KLC1: variants seen among roughly 807,000 people sequenced by gnomAD.
KLC1 encodes kinesin 2 60/70kDa.
KLC1 carries 30 observed loss-of-function variants against 84.2 expected under a neutral mutation model. That is an observed-to-expected ratio of 0.36 (90% CI 0.27 to 0.48). The LOEUF (loss-of-function observed/expected upper bound fraction) is 0.48. Among genes scored for constraint, KLC1 ranks in the 20% least tolerant of loss-of-function variants. The pLI, the probability that KLC1 is intolerant of heterozygous loss-of-function variation, is 0.99. For missense variants in KLC1, 499 were observed against 805.4 expected (o/e 0.62, Z 4.60); for synonymous variants, 289 against 293.3 (o/e 0.99, Z 0.15).
rs1406826424 is a variant in KLC1 at position 103,686,084 on chromosome 14, TC to T, written c.1651-994del. Reference sequence around the variant, plus strand: ...GGGGGCCCCGCTCGGACTCCGGGTCTCCCTAGGATATGCCCCAGTAGCATTT... The same window carrying T: ...GGGGGCCCCGCTCGGACTCCGGGTCTCCTAGGATATGCCCCAGTAGCATTT... On this transcript the variant is annotated intron_variant, in intron 13 of 16. Transcript: ENST00000334553. 4.0e-6 allele frequency: 4 copies of T among 1,011,096 alleles called. No individual in the cohort carries two copies. In the African/African-American group the frequency reaches 6.9e-5, roughly 17 times the overall value. The allele number at this position is 1,011,096 out of a possible 1,614,324, so 62.6% of individuals were successfully genotyped here.
At chr14:103,675,852 T>C in intron 11 of KLC1, 96 bp downstream of exon 11, 1 of 949,986 alleles carries the variant, frequency 1.1e-6, no homozygotes, top group Non-Finnish European at 1.7e-6. Flanking sequence ...ATGTGTAGTG[T>C]TCCTTAAGTG....
chr14:103,662,639 G>T (rs1306192722), intron 4 of KLC1, 63 bp from the exon 5 acceptor site: 3 of 1,302,458 alleles, frequency 2.3e-6, no homozygotes, highest in Non-Finnish European at 3.2e-6. Flanking sequence ...TAATTTTAAA[G>T]AAACTGACTC....
chr14:103,685,860 A>G, intron 13 of KLC1: 1 of 1,162,906 alleles, frequency 8.6e-7, no homozygotes, highest in East Asian at 6.1e-5. Context: ...GTACTTAGTA[A>G]TATAAACTGT....
At position 103,701,427 on chromosome 14, in the gene KLC1, A is replaced by G. The variant is rs2083187551; in HGVS notation, c.*228A>G. 1 of 470,970 alleles carries G rather than the reference A, an allele frequency of 2.1e-6. No homozygotes were observed. The highest frequency in any genetic ancestry group is 3.8e-6 in the Non-Finnish European group (1 of 261,626). 29.2% of individuals were successfully genotyped at this position (470,970 alleles called of 1,614,324 possible). ...GCCCTGGTGCGGCGTGGTCTCTCCC[A>G]GGAGACCTGGGGCATGAGCTGGGCC... is the stretch of plus-strand genomic sequence containing the variant. On this transcript the variant is annotated 3_prime_UTR_variant, in exon 17 of 17. Coordinates refer to ENST00000334553, the MANE Select transcript of KLC1 (RefSeq NM_001394837.1).
At chr14:103,692,756 T>G (rs1202072479) in intron 15 of KLC1, among the ~76,000 whole-genome samples, 2 of 152,238 alleles carry the variant, frequency 1.3e-5, no homozygotes, top group Non-Finnish European at 2.9e-5. Context: ...TATGATTGTT[T>G]GATTTTAGCC....
In KLC1 at chr14:103,629,371, G is replaced by A. The variant is rs922032830; in HGVS notation, c.-125G>A. ...GGTAGCTCCGGCGCCCCTAGCTGGT[G>A]ACTGCTGCGCCGTGCCTCACACAGC... On this transcript the variant is annotated 5_prime_UTR_variant, in exon 1 of 17. The change abolishes the stop of an existing upstream ORF in the 5' untranslated region. Transcript: ENST00000334553. 1 of 152,288 alleles carries A rather than the reference G, an allele frequency of 6.6e-6. No homozygotes were observed. Among genetic ancestry groups the A allele is most frequent in the African/African-American group, 2.4e-5 (1 of 41,440 alleles). The allele number at this position is 152,288 out of a possible 1,614,324, so 9.4% of individuals were successfully genotyped here. A position where few individuals can be genotyped will look rare whatever the true frequency, so the allele number is the denominator to read the frequency against.
intron 15 of KLC1, chr14:103,698,380 G>A (rs1159001364): frequency 5.6e-5 from 14 of 249,732 alleles, no homozygotes; most frequent in African/African-American, 1.1e-4. Context: ...TCGTGGGCAC[G>A]GTCCCAAGGC....
Position 103,657,592 on chromosome 14 carries a change from A to G in KLC1, c.308A>G (p.Lys103Arg). 6.2e-7 allele frequency: 1 copy of G among 1,614,208 alleles called. No homozygotes were observed. Among genetic ancestry groups the G allele is most frequent in the Non-Finnish European group, 8.5e-7 (1 of 1,180,044 alleles). ...SNHLNAVESE[K>R]QKLRAQVRRL... ...CACCTGAATGCTGTGGAGTCCGAGA[A>G]GCAGAAACTGCGTGCGCAGGTTCGT... Residue 103 changes from lysine (K) to arginine (R), a missense_variant, in exon 3 of 17, where the codon AAG becomes AGG. Physicochemically the swap from Lys to Arg is conservative, Grantham distance 26 (BLOSUM62 2). Transcript: ENST00000334553.
chr14:103,679,476 G>C lies in KLC1; in HGVS notation c.1581G>C (p.Val527=). The change falls in exon 13 of 17, where the codon GTG becomes GTC. Residue 527 remains valine (V), a synonymous_variant. Transcript: ENST00000334553. ...EKRRSRESLN[V]DVVKYESGPD... ...GCAGGAGCCGTGAGAGCCTCAACGT[G>C]GACGTGGTCAAGTACGAGAGTGGCC... The C allele has an allele frequency of 6.2e-7, 1 of 1,614,108 alleles. No individual in the cohort carries two copies.
At chr14:103,692,961 C>G (rs1200522344) in intron 15 of KLC1, among the ~76,000 whole-genome samples, 1 of 152,244 alleles carries the variant, frequency 6.6e-6, no homozygotes, top group African/African-American at 2.4e-5. Context: ...GCCTCCCTTC[C>G]CCATCACGGA....
chr14:103,679,504 G>C lies in KLC1; in HGVS notation c.1609G>C (p.Asp537His). 6.2e-7 allele frequency: 1 copy of C among 1,614,086 alleles called. No homozygotes were observed. The highest frequency in any genetic ancestry group is 8.5e-7 in the Non-Finnish European group (1 of 1,179,956). The change falls in exon 13 of 17, where the codon GAC becomes CAC. Residue 537 changes from aspartate (D) to histidine (H), a missense_variant. Physicochemically the swap from Asp to His is moderately conservative, Grantham distance 81. This residue lies in a region of KLC1 where 167 missense variants were observed against 208.8 expected (regional missense o/e 0.80). Transcript: ENST00000334553. ...CGTGGTCAAGTACGAGAGTGGCCCT[G>C]ACGGAGGGGAGGAAGTGAGTATGAG... The part of the protein sequence containing the change: ...VDVVKYESGP[D>H]GGEEVSMSVE...
intron 7 of KLC1, among the ~76,000 whole-genome samples, chr14:103,671,789 C>T (rs1159067518): frequency 6.6e-6 from 1 of 152,156 alleles, no homozygotes; most frequent in Non-Finnish European, 1.5e-5. Flanking sequence ...GGCTCCTTAT[C>T]AAATTATACA....
intron 1 of KLC1, among the ~76,000 whole-genome samples, chr14:103,643,581 T>C (rs1161772556): frequency 2.6e-5 from 4 of 152,204 alleles, no homozygotes; most frequent in African/African-American, 9.6e-5. Context: ...GGGGCACAGC[T>C]TGGTTTTATA....
chr14:103,632,319 A>G (rs142265267), intron 1 of KLC1, among the ~76,000 whole-genome samples: 2,621 of 152,048 alleles, frequency 0.017, 67 homozygotes, highest in African/African-American at 0.056. Flanking sequence ...CCAGCTACTC[A>G]TGAGGCTGAG....
At chr14:103,700,431 T>G in intron 15 of KLC1, 2 of 467,656 alleles carry the variant, frequency 4.3e-6, no homozygotes, top group Non-Finnish European at 3.8e-6. Context: ...TGAGCCATGG[T>G]GATGGGGGAG....
intron 9 of KLC1, among the ~76,000 whole-genome samples, chr14:103,674,017 A>C (rs2080659801): frequency 6.6e-6 from 1 of 152,144 alleles, no homozygotes; most frequent in Admixed American, 6.6e-5. Context: ...AGAGCCCATA[A>C]CATGTCCTCA....
intron 13 of KLC1, among the ~76,000 whole-genome samples, chr14:103,681,185 A>G (rs563472367): frequency 5.6e-4 from 85 of 152,184 alleles, no homozygotes; most frequent in Non-Finnish European, 9.1e-4. Context: ...TGCAGGTTTG[A>G]TGGAATTCAT....
chr14:103,645,354 A>G (rs2077835728), intron 1 of KLC1, among the ~76,000 whole-genome samples: 1 of 152,104 alleles, frequency 6.6e-6, no homozygotes, highest in Non-Finnish European at 1.5e-5. Context: ...AGGTCTACAA[A>G]CCAAGTGGTG....
intron 9 of KLC1, 61 bp downstream of exon 9, chr14:103,673,492 TATACTA>T (rs1320800068): frequency 3.5e-5 from 35 of 1,003,216 alleles, no homozygotes; most frequent in Non-Finnish European, 4.8e-5. Context: ...CTAATAGTAA[TATACTA>T]ATAGTATTAG....
Sources: gnomAD v4.1 joint callset for allele counts (sites outside exome capture counted in the v4.1 genomes callset) on GRCh38, gnomAD v4.1.1 for gene constraint, gnomAD v4.1.1 regional missense constraint, MANE v1.5 for transcripts, NCBI Gene and HGNC (gene_info 2026-07-23, HGNC 2026-07-21) for gene names.